The following NADSYN1 variants were observed in gnomAD, a reference collection of about 807,000 sequenced individuals.
NADSYN1 encodes the protein glutamine-dependent NAD(+) synthetase.
A neutral mutation model predicts 99.3 loss-of-function variants in NADSYN1; 80 were observed. The ratio of observed to expected loss-of-function variants is 0.81; its 90% CI spans 0.67 to 0.97. NADSYN1 has a LOEUF of 0.97. Ranked by LOEUF, NADSYN1 falls within the 50% of genes least tolerant of loss-of-function variation. The probability of loss-of-function intolerance (pLI) is 0.00; values close to 1 mark genes in which losing one functional copy is unlikely to be tolerated. For synonymous variants in NADSYN1, 385 were observed against 372.1 expected, an observed-to-expected ratio of 1.03 and a Z score of -0.40; for missense variants, 859 against 948.5, an observed-to-expected ratio of 0.91 and a Z score of 1.24.
At chr11:71,453,520 G>A in intron 1 of NADSYN1, 139 bp downstream of exon 1, 1 of 731,064 alleles carries the variant, frequency 1.4e-6, no homozygotes. Flanking sequence ...GAGATAATGG[G>A]CAATGACCCC....
chr11:71,453,681 G>A (rs2120379237), intron 1 of NADSYN1, among the ~76,000 whole-genome samples: 1 of 152,366 alleles, frequency 6.6e-6, no homozygotes, highest in Admixed American at 6.5e-5. Context: ...GGGGTCCCGT[G>A]GTTGGGACTG....
intron 2 of NADSYN1, among the ~76,000 whole-genome samples, chr11:71,457,941 G>T (rs928318912): frequency 2.6e-5 from 4 of 152,190 alleles, no homozygotes; most frequent in African/African-American, 9.6e-5. Flanking sequence ...CTAAGGTGGG[G>T]TGTGGACGGA....
intron 17 of NADSYN1, among the ~76,000 whole-genome samples, chr11:71,491,284 G>C (rs114843503): frequency 0.023 from 3,577 of 152,374 alleles, 122 homozygotes; most frequent in African/African-American, 0.082. Context: ...TGAGCAGAGC[G>C]CCTGTGCTTT....
At chr11:71,472,298 G>A (rs1445754833) in intron 5 of NADSYN1, 151 bp from the exon 6 acceptor site, 11 of 686,364 alleles carry the variant, frequency 1.6e-5, no homozygotes, top group East Asian at 1.0e-4. Context: ...ACCTGAATGC[G>A]ATTGTTTATT....
Position 71,501,545 on chromosome 11 carries a change from G to A in NADSYN1, c.*193G>A. ...TAAAGCCTGGGCTTAAAAAGAGGCT[G>A]GAATCCAATGCACATGATTTTGACC... On this transcript the variant is annotated 3_prime_UTR_variant, in exon 21 of 21. Transcript: ENST00000319023. 1.7e-6 allele frequency: 1 copy of A among 584,116 alleles called. No homozygotes were observed. The highest frequency in any genetic ancestry group is 3.0e-6 in the Non-Finnish European group (1 of 334,622). 36.2% of individuals were successfully genotyped at this position (584,116 alleles called of 1,614,324 possible).
intron 16 of NADSYN1, among the ~76,000 whole-genome samples, chr11:71,486,433 A>G (rs1273427272): frequency 6.6e-6 from 1 of 151,758 alleles, no homozygotes; most frequent in African/African-American, 2.4e-5. Flanking sequence ...TCATCCATCC[A>G]TCCACCCATC....
intron 3 of NADSYN1, among the ~76,000 whole-genome samples, chr11:71,462,565 C>A (rs1949557489): frequency 6.6e-6 from 1 of 152,072 alleles, no homozygotes; most frequent in Non-Finnish European, 1.5e-5. Context: ...TAGTTAGGAC[C>A]CCCTCGGGCT....
intron 15 of NADSYN1, 50 bp downstream of exon 15, chr11:71,484,497 C>G (rs756360435): frequency 1.9e-6 from 3 of 1,574,494 alleles, no homozygotes; most frequent in South Asian, 1.1e-5. Context: ...GCAGGGAGCA[C>G]TGGGACAATC....
rs950903423 is a variant in NADSYN1 at position 71,501,388 on chromosome 11, G to A, written c.*36G>A. On this transcript the variant is annotated 3_prime_UTR_variant, in exon 21 of 21. Transcript: ENST00000319023. ...TTCCTGGAGGCCTCCTGTCCTCGGGGACCCCAGCACCTCATCATCAGCATT... is the reference window on the plus strand; with the variant it reads ...TTCCTGGAGGCCTCCTGTCCTCGGGAACCCCAGCACCTCATCATCAGCATT... 6.4e-7 allele frequency: 1 copy of A among 1,570,534 alleles called. No individual in the cohort carries two copies. Among genetic ancestry groups the A allele is most frequent in the Non-Finnish European group, 8.6e-7 (1 of 1,157,202 alleles).
At chr11:71,465,866 T>C (rs1026723964) in intron 5 of NADSYN1, among the ~76,000 whole-genome samples, 2 of 152,224 alleles carry the variant, frequency 1.3e-5, no homozygotes, top group African/African-American at 4.8e-5. Context: ...GTCTGTTGGT[T>C]AGTCTGTTGA....
chr11:71,455,491 G>C, intron 2 of NADSYN1: 1 of 326,712 alleles, frequency 3.1e-6, no homozygotes, highest in Non-Finnish European at 5.7e-6. Flanking sequence ...AAATTCATAT[G>C]TTGAAACCTA....
Position 71,498,360 on chromosome 11 carries a change from C to T in NADSYN1, c.1902C>T (p.Asp634=). The T allele has an allele frequency of 6.2e-7, 1 of 1,614,160 alleles. No homozygotes were observed. The highest frequency in any genetic ancestry group is 8.5e-7 in the Non-Finnish European group (1 of 1,180,004). Reference sequence around the variant, plus strand: ...TGTTGCACGCCCACCAGGTCGCTGACAAAGTGAAGCGGTTTTTCTCCAAGT... The same window carrying T: ...TGTTGCACGCCCACCAGGTCGCTGATAAAGTGAAGCGGTTTTTCTCCAAGT... The part of the protein sequence containing the change: ...RHICTPRQVA[D]KVKRFFSKYS... Residue 634 remains aspartate (D), a synonymous_variant, in exon 20 of 21, where the codon GAC becomes GAT. Transcript: ENST00000319023.
At chr11:71,468,591 A>G (rs1949608502) in intron 5 of NADSYN1, among the ~76,000 whole-genome samples, 3 of 152,238 alleles carry the variant, frequency 2.0e-5, no homozygotes, top group South Asian at 2.1e-4. Context: ...AATGGAAGTG[A>G]GTTCTTTAAA....
intron 18 of NADSYN1, among the ~76,000 whole-genome samples, 166 bp downstream of exon 18, chr11:71,492,069 T>G (rs79594941): frequency 1.5e-3 from 222 of 152,270 alleles, no homozygotes; most frequent in Non-Finnish European, 2.6e-3. Flanking sequence ...TCCCTGGCCT[T>G]TGACACTTCA....
intron 6 of NADSYN1, 46 bp from the exon 7 acceptor site, chr11:71,473,232 A>T: frequency 6.3e-7 from 1 of 1,575,498 alleles, no homozygotes; most frequent in Non-Finnish European, 8.7e-7. Flanking sequence ...TGGCCCAGAC[A>T]GGGCATGGCT....
chr11:71,490,938 G>T lies in NADSYN1; in HGVS notation c.1656G>T (p.Gln552His). The T allele has an allele frequency of 6.2e-7, 1 of 1,614,238 alleles. No individual in the cohort carries two copies. Among genetic ancestry groups the T allele is most frequent in the Non-Finnish European group, 8.5e-7 (1 of 1,180,040 alleles). Residue 552 changes from glutamine (Q) to histidine (H), a missense_variant, in exon 17 of 21, where the codon CAG becomes CAT. Physicochemically the swap from Gln to His is conservative, Grantham distance 24 (BLOSUM62 0). Transcript: ENST00000319023. ...ISKTDLRAFV[Q>H]FCIQRFQLPA... ...AGACGGACCTCAGGGCCTTCGTCCA[G>T]TTCTGCATCCAGCGCTTCCAGCTTC...
chr11:71,481,922 G>T lies in NADSYN1; in HGVS notation c.1048-1G>T, dbSNP rs763490737. 2 of 1,612,910 alleles carry T rather than the reference G, an allele frequency of 1.2e-6. No individual in the cohort carries two copies. Among genetic ancestry groups the T allele is most frequent in the East Asian group, 4.5e-5 (2 of 44,856 alleles). ...CACGCTGTCTGATTGGTCCATTCCA[G>T]GCAGGGTTTTTGCTGCCCTTGAGTG... On this transcript the variant is annotated splice_acceptor_variant, in intron 12 of 20. Transcript: ENST00000319023. LOFTEE classifies it high-confidence loss of function.
At chr11:71,478,236 C>A (rs1333346148) in intron 9 of NADSYN1, among the ~76,000 whole-genome samples, 159 bp from the exon 10 acceptor site, 1 of 152,148 alleles carries the variant, frequency 6.6e-6, no homozygotes, top group Admixed American at 6.5e-5. Flanking sequence ...GGCTATGGGT[C>A]CGCCTCAATG....
chr11:71,491,789 A>G lies in NADSYN1; in HGVS notation c.1695-45A>G, dbSNP rs764425643. On this transcript the variant is annotated intron_variant, in intron 17 of 20. Transcript: ENST00000319023. ...GGGATTCTCTCCCAGAGCTCACACC[A>G]CCCTCGCAGCTGCACTGACCGACCT... is the stretch of plus-strand genomic sequence containing the variant. 1.5e-5 allele frequency: 23 copies of G among 1,582,096 alleles called. No homozygotes were observed. In the African/African-American group the frequency reaches 3.0e-4, roughly 20 times the overall value.
Sources: gnomAD v4.1 joint callset for allele counts (sites outside exome capture counted in the v4.1 genomes callset) on GRCh38, gnomAD v4.1.1 for gene constraint, MANE v1.5 for transcripts, NCBI Gene and HGNC (gene_info 2026-07-23, HGNC 2026-07-21) for gene names.